Variants in VCL observed in about 807,000 individuals in gnomAD.
VCL encodes vinculin.
In VCL, 47 loss-of-function variants were observed where a neutral mutation model predicts 125.7. That is an observed-to-expected ratio of 0.37 (90% CI 0.30 to 0.48). The LOEUF (loss-of-function observed/expected upper bound fraction) is 0.48, where lower values mean the gene tolerates loss of function less well. Among genes scored for constraint, VCL ranks in the 20% least tolerant of loss-of-function variants. VCL has a pLI of 0.99. For synonymous variants in VCL, 458 were observed against 514.6 expected, an observed-to-expected ratio of 0.89 and a Z score of 1.49; for missense variants, 1,069 against 1,455.5, an observed-to-expected ratio of 0.73 and a Z score of 4.32.
In VCL at chr10:74,028,393, C is replaced by CTTT. The variant is rs1159824812; in HGVS notation, c.169-14672_169-14670dup. Among the ~76,000 whole-genome samples, 75 of 121,742 alleles carry CTTT rather than the reference C, an allele frequency of 6.2e-4. 1 individual carries two copies. The highest frequency in any genetic ancestry group is 2.0e-3 in the African/African-American group (64 of 32,104). The allele number at this position is 121,742 out of a possible 152,430, so 79.9% of individuals were successfully genotyped here. Reference sequence around the variant, plus strand: ...GCCACTGCTCCCAGCCTTAAGTAATCTTTTTTTTTTTTTTTTTTTTGAGAC... The same window carrying CTTT: ...GCCACTGCTCCCAGCCTTAAGTAATCTTTTTTTTTTTTTTTTTTTTTTTGAGAC... On this transcript the variant is annotated intron_variant, in intron 1 of 21. Transcript: ENST00000211998.
intron 1 of VCL, among the ~76,000 whole-genome samples, chr10:74,025,233 G>T (rs886580271): frequency 2.6e-5 from 4 of 151,956 alleles, no homozygotes; most frequent in Non-Finnish European, 5.9e-5. Flanking sequence ...GGCCTGGCTG[G>T]TTCAAACTCC....
At chr10:74,050,076 G>T (rs1390543381) in intron 2 of VCL, among the ~76,000 whole-genome samples, 1 of 152,238 alleles carries the variant, frequency 6.6e-6, no homozygotes, top group Non-Finnish European at 1.5e-5. Context: ...GGATCAAAAA[G>T]CATCACTTCT....
At chr10:74,117,989 C>A (rs762298262) in intron 21 of VCL, 34 bp from the exon 22 acceptor site, 3 of 1,613,052 alleles carry the variant, frequency 1.9e-6, no homozygotes, top group East Asian at 4.5e-5. Flanking sequence ...GCATCAGGGA[C>A]CCTGGGTAAC....
intron 2 of VCL, among the ~76,000 whole-genome samples, chr10:74,055,022 G>A (rs1007432981): frequency 4.6e-5 from 7 of 151,914 alleles, no homozygotes; most frequent in Non-Finnish European, 7.4e-5. Context: ...GATACAGGCC[G>A]GGTGCGATGG....
intron 7 of VCL, 141 bp from the exon 8 acceptor site, chr10:74,083,225 T>C: frequency 9.1e-7 from 1 of 1,104,028 alleles, no homozygotes. Flanking sequence ...GCTTGGCTGT[T>C]AGCTATCAGA....
chr10:74,041,221 C>T (rs1434657520), intron 1 of VCL, among the ~76,000 whole-genome samples: 2 of 152,002 alleles, frequency 1.3e-5, no homozygotes, highest in Admixed American at 1.3e-4. Flanking sequence ...GTAGGACTGA[C>T]ATATTTTCCA....
At chr10:74,035,123 A>G (rs1185867777) in intron 1 of VCL, among the ~76,000 whole-genome samples, 1 of 152,242 alleles carries the variant, frequency 6.6e-6, no homozygotes, top group Non-Finnish European at 1.5e-5. Context: ...TTGTACAAAT[A>G]AGTAACACAA....
At chr10:74,007,514 G>T (rs933026336) in intron 1 of VCL, among the ~76,000 whole-genome samples, 1 of 151,924 alleles carries the variant, frequency 6.6e-6, no homozygotes, top group African/African-American at 2.4e-5. Flanking sequence ...ACTTTTTTTT[G>T]AGACGGAGTT....
chr10:74,032,791 A>G (rs569193688), intron 1 of VCL, among the ~76,000 whole-genome samples: 146 of 152,194 alleles, frequency 9.6e-4, no homozygotes, highest in African/African-American at 3.3e-3. Flanking sequence ...CAATACACCC[A>G]TAAAAAGATG....
intron 8 of VCL, among the ~76,000 whole-genome samples, chr10:74,084,642 C>T (rs187924413): frequency 1.3e-4 from 20 of 149,946 alleles, no homozygotes; most frequent in African/African-American, 3.2e-4. Context: ...ATGGGAGATT[C>T]GCTCTTGTTG....
chr10:74,028,650 G>A (rs952515973), intron 1 of VCL, among the ~76,000 whole-genome samples: 1 of 152,084 alleles, frequency 6.6e-6, no homozygotes, highest in Non-Finnish European at 1.5e-5. Flanking sequence ...ACTCACCTTG[G>A]CCTCCCAAAG....
chr10:74,050,337 A>G (rs1841277487), intron 2 of VCL, among the ~76,000 whole-genome samples: 1 of 152,234 alleles, frequency 6.6e-6, no homozygotes, highest in African/African-American at 2.4e-5. Context: ...TACTACTGCT[A>G]CATGATTGCC....
At chr10:74,093,459 T>C (rs932930539) in intron 10 of VCL, among the ~76,000 whole-genome samples, 1 of 152,070 alleles carries the variant, frequency 6.6e-6, no homozygotes, top group Non-Finnish European at 1.5e-5. Flanking sequence ...ATTTACATCA[T>C]AGGGTTGTTG....
intron 1 of VCL, among the ~76,000 whole-genome samples, chr10:74,026,018 G>A (rs1237088500): frequency 3.9e-5 from 6 of 152,150 alleles, no homozygotes; most frequent in Admixed American, 3.3e-4. Flanking sequence ...GGGCCCAAAA[G>A]ATTGGTTGGA....
In VCL at chr10:74,006,770, G is replaced by A. The variant is rs554167500; in HGVS notation, c.168+8395G>A. Among the ~76,000 whole-genome samples the A allele has an allele frequency of 1.4e-4, 21 of 152,148 alleles. No individual in the cohort carries two copies. The South Asian group carries it at 4.1e-3, about 30-fold the overall frequency. ...TATATGAAACATAAATGAATTTTGT[G>A]TTTAACCTTTGGTCCTATCTCCAAT... On this transcript the variant is annotated intron_variant, in intron 1 of 21. Coordinates refer to ENST00000211998, the MANE Select transcript of VCL (RefSeq NM_014000.3).
intron 8 of VCL, among the ~76,000 whole-genome samples, chr10:74,084,567 G>A (rs1271247343): frequency 2.0e-5 from 3 of 151,990 alleles, no homozygotes; most frequent in African/African-American, 2.4e-5. Flanking sequence ...GATTACAGGC[G>A]TGAGCCACCA....
chr10:74,005,448 G>T (rs1010442849), intron 1 of VCL, among the ~76,000 whole-genome samples: 2 of 151,948 alleles, frequency 1.3e-5, no homozygotes, highest in Non-Finnish European at 2.9e-5. Flanking sequence ...TAGAGATGGG[G>T]TTTCACCATG....
In VCL at chr10:74,074,916, A is replaced by T. The variant is rs1163875423; in HGVS notation, c.783+13A>T. ...CTGGGCCAGCAAGGTACGTGTTCTT[A>T]GTGGAGAAATAAGCAAAATCCCCAA... is the stretch of plus-strand genomic sequence containing the variant. On this transcript the variant is annotated intron_variant, in intron 6 of 21. Transcript: ENST00000211998. 2 of 1,614,144 alleles carry T rather than the reference A, an allele frequency of 1.2e-6. No individual in the cohort carries two copies. Among genetic ancestry groups the T allele is most frequent in the Middle Eastern group, 1.6e-4 (1 of 6,062 alleles).
intron 13 of VCL, among the ~76,000 whole-genome samples, chr10:74,098,240 G>C (rs901786446): frequency 6.6e-6 from 1 of 152,120 alleles, no homozygotes; most frequent in African/African-American, 2.4e-5. Flanking sequence ...ATTAGTTACT[G>C]TCTTTCTTCA....
Sources: gnomAD v4.1 joint callset for allele counts (sites outside exome capture counted in the v4.1 genomes callset) on GRCh38, gnomAD v4.1.1 for gene constraint, MANE v1.5 for transcripts, NCBI Gene and HGNC (gene_info 2026-07-23, HGNC 2026-07-21) for gene names.